IRAK2: variants seen among roughly 807,000 people sequenced by gnomAD.
IRAK2 encodes interleukin-1 receptor-associated kinase-like 2.
Under a neutral mutation model 72.0 loss-of-function variants are expected in IRAK2, and 57 were observed. The observed-to-expected ratio is 0.79, with a 90% confidence interval of 0.64 to 0.99. The LOEUF (loss-of-function observed/expected upper bound fraction) is 0.99. IRAK2 is among the 50% of genes least tolerant of loss of function. IRAK2 has a pLI of 0.00. For missense variants in IRAK2, 790 were observed against 794.4 expected (o/e 0.99, Z 0.07); for synonymous variants, 293 against 312.7 (o/e 0.94, Z 0.67).
At chr3:10,222,336 G>T (rs532417991) in intron 8 of IRAK2, among the ~76,000 whole-genome samples, 1 of 152,182 alleles carries the variant, frequency 6.6e-6, no homozygotes, top group Non-Finnish European at 1.5e-5. Context: ...GCCTGTAGGC[G>T]TGGCAAGCTG....
At chr3:10,178,239 C>G (rs1696909364) in intron 2 of IRAK2, among the ~76,000 whole-genome samples, 1 of 152,168 alleles carries the variant, frequency 6.6e-6, no homozygotes, top group Non-Finnish European at 1.5e-5. Context: ...AGGTGAATCA[C>G]CTGAAGTCAG....
In IRAK2 at chr3:10,232,319, T is replaced by C. The variant is rs9870172; in HGVS notation, c.1273-2140T>C. Among the ~76,000 whole-genome samples, 794 of 152,304 alleles carry C rather than the reference T, an allele frequency of 5.2e-3. 9 individuals are homozygous for C. The highest frequency in any genetic ancestry group is 0.018 in the African/African-American group (733 of 41,556). On this transcript the variant is annotated intron_variant, in intron 10 of 12. Transcript: ENST00000256458. ...GTTTCTCTATTCCTCATATTTCCTA[T>C]ATTTGGCAGTTAGCACTTGTGACTT...
At chr3:10,204,962 C>T (rs1477640984) in intron 3 of IRAK2, among the ~76,000 whole-genome samples, 2 of 152,122 alleles carry the variant, frequency 1.3e-5, no homozygotes, top group Non-Finnish European at 2.9e-5. Context: ...TCTTGTTCAT[C>T]TACTCTCCTG....
At chr3:10,165,645 G>T (rs1270518047) in intron 1 of IRAK2, among the ~76,000 whole-genome samples, 1 of 150,788 alleles carries the variant, frequency 6.6e-6, no homozygotes. Flanking sequence ...ACAGGCGCCC[G>T]CTACCACCCT....
At chr3:10,225,738 G>T in intron 9 of IRAK2, among the ~76,000 whole-genome samples, 2 of 147,414 alleles carry the variant, frequency 1.4e-5, no homozygotes. Flanking sequence ...TTGCTCTGTC[G>T]CCCAGGCTGG....
chr3:10,221,980 C>T (rs933177591), intron 8 of IRAK2, among the ~76,000 whole-genome samples: 7 of 152,010 alleles, frequency 4.6e-5, no homozygotes, highest in Admixed American at 1.3e-4. Flanking sequence ...CCTCTGCTTC[C>T]GGGTTCAAGC....
chr3:10,201,616 C>T (rs766781884), intron 3 of IRAK2, among the ~76,000 whole-genome samples: 5 of 152,238 alleles, frequency 3.3e-5, no homozygotes, highest in Non-Finnish European at 7.3e-5. Flanking sequence ...GATTTGTCTC[C>T]GTCGCCTGTG....
intron 3 of IRAK2, 81 bp downstream of exon 3, chr3:10,200,596 C>A: frequency 8.0e-7 from 1 of 1,248,370 alleles, no homozygotes; most frequent in Non-Finnish European, 1.1e-6. Context: ...TTCAGCTTAG[C>A]ATATAAGAGC....
rs774746575 is a variant in IRAK2 at position 10,213,300 on chromosome 3, G to A, written c.622G>A (p.Asp208Asn). The A allele has an allele frequency of 1.3e-5, 21 of 1,614,006 alleles. No individual in the cohort carries two copies. Among genetic ancestry groups the A allele is most frequent in the Non-Finnish European group, 1.7e-5 (20 of 1,180,020 alleles). Residue 208 changes from aspartate to asparagine, a missense_variant, in exon 5 of 13, where the codon GAT becomes AAT. Physicochemically the swap from Asp to Asn is conservative, Grantham distance 23. Transcript: ENST00000256458. ...WSEADVVQAT[D>N]DFNQNRKISQ... Reference sequence around the variant, plus strand: ...TGAGGCAGACGTGGTCCAGGCAACCGATGACTTCAATCAAAACCGCAAAAT... The same window carrying A: ...TGAGGCAGACGTGGTCCAGGCAACCAATGACTTCAATCAAAACCGCAAAAT...
rs557181333 is a variant in IRAK2 at position 10,184,877 on chromosome 3, C to A, written c.277+6857C>A. On this transcript the variant is annotated intron_variant, in intron 2 of 12. Coordinates refer to ENST00000256458, the MANE Select transcript of IRAK2 (RefSeq NM_001570.4). The stretch of plus-strand genomic sequence containing the variant: ...CCCGAGTAGCTGGGACTACAGGCGC[C>A]CGCCACCATGCCCGGCTATTTTTTT... Among the ~76,000 whole-genome samples, 27 of 149,840 alleles carry A rather than the reference C, an allele frequency of 1.8e-4. 1 individual carries two copies. Among genetic ancestry groups the A allele is most frequent in the African/African-American group, 5.8e-4 (23 of 39,646 alleles).
chr3:10,226,581 A>G (rs1020331844), intron 10 of IRAK2, 148 bp downstream of exon 10: 7 of 615,848 alleles, frequency 1.1e-5, no homozygotes, highest in African/African-American at 1.1e-4. Context: ...AGCAGCTTTA[A>G]CCTCCCATCC....
intron 1 of IRAK2, among the ~76,000 whole-genome samples, chr3:10,174,811 C>G (rs1322684139): frequency 6.6e-6 from 1 of 152,008 alleles, no homozygotes; most frequent in Non-Finnish European, 1.5e-5. Context: ...AGGCATGAAC[C>G]ACTGCACCCG....
intron 12 of IRAK2, among the ~76,000 whole-genome samples, chr3:10,240,925 C>G (rs73028494): frequency 1.2e-4 from 18 of 151,934 alleles, no homozygotes; most frequent in Admixed American, 3.3e-4. Flanking sequence ...GTCCCAGGCT[C>G]TGACCACTCC....
intron 12 of IRAK2, among the ~76,000 whole-genome samples, chr3:10,239,618 T>C (rs1698021429): frequency 6.6e-6 from 1 of 151,954 alleles, no homozygotes; most frequent in Non-Finnish European, 1.5e-5. Context: ...TCCCAGCTAC[T>C]TGGGAGGCTG....
intron 8 of IRAK2, 136 bp downstream of exon 8, chr3:10,219,925 C>G (rs1697663278): frequency 1.5e-6 from 1 of 650,848 alleles, no homozygotes; most frequent in Non-Finnish European, 2.8e-6. Flanking sequence ...CTCCTCTGCC[C>G]TCCCCTGGAT....
chr3:10,229,094 C>T (rs141248998), intron 10 of IRAK2, among the ~76,000 whole-genome samples: 1,543 of 152,074 alleles, frequency 0.01, 22 homozygotes, highest in African/African-American at 0.035. Context: ...TCACCACACC[C>T]GGCTAATTTT....
chr3:10,184,723 GTTTTT>G (rs55839723), intron 2 of IRAK2, among the ~76,000 whole-genome samples: 6 of 102,024 alleles, frequency 5.9e-5, no homozygotes, highest in Non-Finnish European at 9.2e-5. Flanking sequence ...GTTTTTGTGT[GTTTTT>G]TTTTTTTTTT....
intron 9 of IRAK2, 105 bp from the exon 10 acceptor site, chr3:10,226,266 A>C (rs988197551): frequency 1.1e-5 from 9 of 836,160 alleles, no homozygotes; most frequent in Non-Finnish European, 1.7e-5. Flanking sequence ...TGGCAATGGC[A>C]GAGCTGCACC....
At chr3:10,187,954 C>T (rs149130864) in intron 2 of IRAK2, among the ~76,000 whole-genome samples, 41 of 152,176 alleles carry the variant, frequency 2.7e-4, no homozygotes, top group African/African-American at 9.4e-4. Context: ...TGGGGCTTAA[C>T]GATGAGAGGC....
Sources: gnomAD v4.1 joint callset for allele counts (sites outside exome capture counted in the v4.1 genomes callset) on GRCh38, gnomAD v4.1.1 for gene constraint, MANE v1.5 for transcripts, NCBI Gene and HGNC (gene_info 2026-07-23, HGNC 2026-07-21) for gene names.